Variants in PTPRR observed in about 807,000 individuals in gnomAD.
PTPRR encodes receptor-type tyrosine-protein phosphatase R.
In PTPRR, 38 loss-of-function variants were observed where a neutral mutation model predicts 77.2. The ratio of observed to expected loss-of-function variants is 0.49; its 90% CI spans 0.38 to 0.65. The LOEUF is 0.65. Among genes scored for constraint, PTPRR ranks in the 30% least tolerant of loss-of-function variants. The pLI is 0.00. For missense variants in PTPRR, 744 were observed against 799.2 expected, an observed-to-expected ratio of 0.93 and a Z score of 0.83; for synonymous variants, 299 against 283.1, an observed-to-expected ratio of 1.06 and a Z score of -0.57.
intron 2 of PTPRR, among the ~76,000 whole-genome samples, chr12:70,858,858 G>T (rs1269134750): frequency 6.6e-6 from 1 of 152,072 alleles, no homozygotes; most frequent in Admixed American, 6.6e-5. Context: ...ATATTCGGTT[G>T]AGTCCTGATA....
chr12:70,667,544 C>A (rs1219661698), intron 10 of PTPRR, among the ~76,000 whole-genome samples: 1 of 152,082 alleles, frequency 6.6e-6, no homozygotes, highest in African/African-American at 2.4e-5. Context: ...GCCTCTCCAC[C>A]AACATGATGG....
intron 9 of PTPRR, 76 bp from the exon 10 acceptor site, chr12:70,684,340 C>A: frequency 6.7e-7 from 1 of 1,503,700 alleles, no homozygotes; most frequent in South Asian, 1.2e-5. Flanking sequence ...GAAAGATCTT[C>A]AACGAAATAG....
At chr12:70,793,106 T>G (rs1891450540) in intron 2 of PTPRR, among the ~76,000 whole-genome samples, 1 of 152,180 alleles carries the variant, frequency 6.6e-6, no homozygotes, top group Admixed American at 6.6e-5. Context: ...TCATATCAAT[T>G]TGCAAGGAAA....
intron 2 of PTPRR, among the ~76,000 whole-genome samples, chr12:70,780,154 GC>G (rs747231619): frequency 1.1e-4 from 16 of 152,084 alleles, no homozygotes; most frequent in Non-Finnish European, 1.8e-4. Flanking sequence ...ACCATGCCCA[GC>G]TAGTTTTCGT....
At position 70,754,214 on chromosome 12, in the gene PTPRR, C is replaced by A; in HGVS notation, c.715G>T (p.Val239Phe). The change falls in exon 5 of 14, where the codon GTT (valine) becomes TTT (phenylalanine). Residue 239 changes from valine to phenylalanine, a missense_variant. Around this residue, in one of 3 missense-constraint regions of PTPRR, gnomAD observed 570 missense variants for 573.2 expected, o/e 0.99. Coordinates refer to ENST00000283228, the MANE Select transcript of PTPRR (RefSeq NM_002849.4). The part of the protein sequence containing the change: ...YAVVIFLSIF[V>F]IIVTCLMILY... The stretch of plus-strand genomic sequence containing the variant: ...ACCATCAAACACGTTACTATAATAA[C>A]AAAGATGCTGAGAAAAATGACAACA... 6.2e-7 allele frequency: 1 copy of A among 1,613,444 alleles called. No individual in the cohort carries two copies. The highest frequency in any genetic ancestry group is 8.5e-7 in the Non-Finnish European group (1 of 1,179,730).
At chr12:70,754,502 T>C (rs184726534) in intron 4 of PTPRR, 2 of 1,571,554 alleles carry the variant, frequency 1.3e-6, no homozygotes, top group Admixed American at 3.7e-5. Flanking sequence ...TTTAGTCTCC[T>C]ATGCAGGAGC....
At position 70,642,439 on chromosome 12, in the gene PTPRR, G is replaced by T. The variant is rs1315079444; in HGVS notation, c.1881-3162C>A. 2.6e-5 allele frequency among the ~76,000 whole-genome samples: 4 copies of T among 151,996 alleles called. No homozygotes were observed. In the East Asian group the frequency reaches 7.7e-4, roughly 29 times the overall value. ...TCACTCCCAGCGTTGTGTCTCCCAGGTATTTAACAAGGATCCCTTACATCT... is the reference window on the plus strand; with the variant it reads ...TCACTCCCAGCGTTGTGTCTCCCAGTTATTTAACAAGGATCCCTTACATCT... On this transcript the variant is annotated intron_variant, in intron 13 of 13. Coordinates refer to ENST00000283228, the MANE Select transcript of PTPRR (RefSeq NM_002849.4).
At chr12:70,877,674 C>T (rs956767837) in intron 2 of PTPRR, among the ~76,000 whole-genome samples, 1 of 152,100 alleles carries the variant, frequency 6.6e-6, no homozygotes, top group African/African-American at 2.4e-5. Context: ...CCATACTGCC[C>T]AAGGTAATTT....
At chr12:70,885,854 G>A (rs758369516) in intron 2 of PTPRR, among the ~76,000 whole-genome samples, 12 of 151,916 alleles carry the variant, frequency 7.9e-5, no homozygotes, top group Non-Finnish European at 1.2e-4. Flanking sequence ...TTTTATTTCC[G>A]CTTTTCCTTA....
At chr12:70,700,491 G>A (rs1338867065) in intron 7 of PTPRR, among the ~76,000 whole-genome samples, 2 of 152,154 alleles carry the variant, frequency 1.3e-5, no homozygotes, top group African/African-American at 2.4e-5. Flanking sequence ...TATGCACCCT[G>A]TTGGCCAAAC....
intron 2 of PTPRR, among the ~76,000 whole-genome samples, chr12:70,806,328 C>T (rs1265639603): frequency 6.6e-6 from 1 of 152,142 alleles, no homozygotes; most frequent in Non-Finnish European, 1.5e-5. Flanking sequence ...CATTGTGTGG[C>T]TACAGGAAAG....
chr12:70,705,156 G>A (rs184780912), intron 6 of PTPRR, among the ~76,000 whole-genome samples: 6 of 152,130 alleles, frequency 3.9e-5, no homozygotes, highest in Admixed American at 1.3e-4. Context: ...GGGCCAGGGC[G>A]ACACATCCAT....
At chr12:70,687,806 T>C (rs1414581585) in intron 8 of PTPRR, among the ~76,000 whole-genome samples, 1 of 152,200 alleles carries the variant, frequency 6.6e-6, no homozygotes, top group African/African-American at 2.4e-5. Context: ...AGACATGGGC[T>C]TTGAACTTAT....
At chr12:70,764,835 T>C (rs1890777668) in intron 2 of PTPRR, 57 bp from the exon 3 acceptor site, 7 of 1,266,164 alleles carry the variant, frequency 5.5e-6, no homozygotes, top group Non-Finnish European at 6.9e-6. Flanking sequence ...TATAGATGTA[T>C]AGAATACATC....
chr12:70,686,125 A>G (rs1178277750), intron 8 of PTPRR, among the ~76,000 whole-genome samples: 1 of 152,196 alleles, frequency 6.6e-6, no homozygotes, highest in Non-Finnish European at 1.5e-5. Flanking sequence ...AGTGTGGTGT[A>G]AAAACAGGGG....
intron 2 of PTPRR, among the ~76,000 whole-genome samples, chr12:70,839,496 A>G (rs1436322002): frequency 6.6e-6 from 1 of 152,182 alleles, no homozygotes; most frequent in Non-Finnish European, 1.5e-5. Flanking sequence ...AGTTATACAG[A>G]CTATTTAAAA....
At chr12:70,818,119 G>A (rs1891937910) in intron 2 of PTPRR, among the ~76,000 whole-genome samples, 1 of 151,906 alleles carries the variant, frequency 6.6e-6, no homozygotes, top group Non-Finnish European at 1.5e-5. Context: ...GGCTGAGGCA[G>A]GAGAATCTCC....
intron 12 of PTPRR, among the ~76,000 whole-genome samples, chr12:70,658,742 G>T (rs1268115705): frequency 1.3e-5 from 2 of 149,562 alleles, no homozygotes; most frequent in African/African-American, 4.9e-5. Context: ...TTTTAAGTAA[G>T]AATTTGATGA....
chr12:70,707,809 G>C (rs1034574409), intron 6 of PTPRR, among the ~76,000 whole-genome samples: 2 of 152,018 alleles, frequency 1.3e-5, no homozygotes, highest in African/African-American at 4.8e-5. Flanking sequence ...CCTTAGCAAG[G>C]CTTCCTAACT....
Sources: allele counts gnomAD v4.1 joint callset (sites outside exome capture counted in the v4.1 genomes callset), GRCh38; gene constraint gnomAD v4.1.1; regional missense constraint gnomAD v4.1.1; transcripts MANE v1.5; gene names NCBI Gene and HGNC (gene_info 2026-07-23, HGNC 2026-07-21).